Variants in BACE1 observed in about 807,000 individuals in gnomAD.
The protein encoded by BACE1 is beta-secretase 1, also known as APP beta-secretase.
In BACE1, 21 loss-of-function variants were observed where a neutral mutation model predicts 54.0. The ratio of observed to expected loss-of-function variants is 0.39; its 90% confidence interval spans 0.28 to 0.56. The LOEUF is 0.56. BACE1 is among the 20% of genes least tolerant of loss of function. BACE1 has a pLI of 0.63. For missense variants in BACE1, 511 were observed against 661.2 expected, an observed-to-expected ratio of 0.77 and a Z score of 2.49; for synonymous variants, 232 against 260.9, an observed-to-expected ratio of 0.89 and a Z score of 1.07.
rs1422364218 is a variant in BACE1, at chr11:117,295,004, C to A, written c.567+127G>T. 3 of 968,394 alleles carry A rather than the reference C, an allele frequency of 3.1e-6. No homozygotes were observed. In the African/African-American group the frequency reaches 4.8e-5, roughly 16 times the overall value. The allele number at this position is 968,394 out of a possible 1,614,324, so 60.0% of individuals were successfully genotyped here. A position where few individuals can be genotyped will look rare whatever the true frequency, so the allele number is the denominator to read the frequency against. ...TAAAATTTAGACTGCCACCCTATAC[C>A]CCTGTTAAATAATCCTTTAAACTGA... On this transcript the variant is annotated intron_variant, in intron 3 of 8. Coordinates refer to ENST00000313005, the MANE Select transcript of BACE1 (RefSeq NM_012104.6).
At position 117,316,242 on chromosome 11, in the gene BACE1, G is replaced by A. The variant is rs972584272; in HGVS notation, c.-447C>T. The A allele has an allele frequency of 2.9e-5, 13 of 441,220 alleles. No individual in the cohort carries two copies. The East Asian group carries it at 4.6e-4, about 16-fold the overall frequency. 27.3% of individuals were successfully genotyped at this position (441,220 alleles called of 1,614,324 possible). On this transcript the variant is annotated 5_prime_UTR_variant, in exon 1 of 9. Transcript: ENST00000313005. ...TCGCAGCTCCCGGGCGGGCTGGGGA[G>A]GCGGAAAGACTTGTGGCGGCGGCTG...
rs187058192 is a variant in BACE1, at chr11:117,311,618, G to C, written c.261+3917C>G. ...ACTGTTGTGACAGCCCCCTGTGCCT[G>C]TGTCTTTCAGTCCTACTCTTTTTAT... On this transcript the variant is annotated intron_variant, in intron 1 of 8. Coordinates refer to ENST00000313005, the MANE Select transcript of BACE1 (RefSeq NM_012104.6). Among the ~76,000 whole-genome samples the C allele has an allele frequency of 2.0e-5, 3 of 152,218 alleles. 1 individual carries two copies. The East Asian group carries it at 5.8e-4, about 29-fold the overall frequency.
intron 1 of BACE1, among the ~76,000 whole-genome samples, chr11:117,305,068 A>G (rs1241759189): frequency 6.7e-6 from 1 of 149,450 alleles, no homozygotes; most frequent in Non-Finnish European, 1.5e-5. Context: ...CTGGGATTAC[A>G]GGCACCCGCC....
At chr11:117,298,406 C>G (rs2034650991) in intron 1 of BACE1, among the ~76,000 whole-genome samples, 1 of 152,196 alleles carries the variant, frequency 6.6e-6, no homozygotes, top group South Asian at 2.1e-4. Flanking sequence ...TGTCTCTGTT[C>G]CCATGTCTCT....
At chr11:117,306,470 A>T (rs1266711498) in intron 1 of BACE1, among the ~76,000 whole-genome samples, 1 of 151,936 alleles carries the variant, frequency 6.6e-6, no homozygotes, top group African/African-American at 2.4e-5. Context: ...GCTAGAACTC[A>T]CTCCTTGTCC....
intron 3 of BACE1, chr11:117,294,324 C>T (rs2034540861): frequency 5.5e-6 from 1 of 180,438 alleles, no homozygotes; most frequent in Non-Finnish European, 1.2e-5. Context: ...TCAAGTGATT[C>T]TCGTGCCTCA....
chr11:117,294,112 C>T, intron 3 of BACE1, 104 bp from the exon 4 acceptor site: 3 of 1,370,328 alleles, frequency 2.2e-6, no homozygotes, highest in African/African-American at 2.9e-5. Flanking sequence ...GGGGGATGCT[C>T]CTTGGGAAAG....
At chr11:117,311,201 G>C (rs2034936779) in intron 1 of BACE1, among the ~76,000 whole-genome samples, 1 of 151,922 alleles carries the variant, frequency 6.6e-6, no homozygotes, top group Non-Finnish European at 1.5e-5. Context: ...AAATCAGCTG[G>C]GGCTGGTGGC....
At chr11:117,303,923 C>T (rs1453620560) in intron 1 of BACE1, among the ~76,000 whole-genome samples, 2 of 152,232 alleles carry the variant, frequency 1.3e-5, no homozygotes, top group African/African-American at 2.4e-5. Flanking sequence ...ACCCATCTTA[C>T]ACATGCCACA....
Position 117,289,249 on chromosome 11 carries a change from G to T in BACE1, c.*317C>A. The T allele has an allele frequency of 3.3e-6, 1 of 304,962 alleles. No individual in the cohort carries two copies. Among genetic ancestry groups the T allele is most frequent in the South Asian group, 5.9e-5 (1 of 16,870 alleles). 18.9% of individuals were successfully genotyped at this position (304,962 alleles called of 1,614,324 possible). ...GAAAAGAAGAATACTTTGGGTTGGA[G>T]AATTTAAAGGAATGGTGGACAAAGG... On this transcript the variant is annotated 3_prime_UTR_variant, in exon 9 of 9. Coordinates refer to ENST00000313005, the MANE Select transcript of BACE1 (RefSeq NM_012104.6).
rs1006492703 is a variant in BACE1, at chr11:117,315,010, C to A, written c.261+525G>T. On this transcript the variant is annotated intron_variant, in intron 1 of 8. Coordinates refer to ENST00000313005, the MANE Select transcript of BACE1 (RefSeq NM_012104.6). The surrounding 1 kb of genome is among the most constrained non-coding windows in gnomAD (Gnocchi z 5.5). ...GGGCGGAGTGCAGTCAGGGGGGCCT[C>A]GACAACCTCACTTTGCCGTACCAGT... 7.2e-5 allele frequency among the ~76,000 whole-genome samples: 11 copies of A among 152,148 alleles called. No homozygotes were observed. Among genetic ancestry groups the A allele is most frequent in the Admixed American group, 7.2e-4 (11 of 15,272 alleles).
chr11:117,300,184 C>T (rs1286686247), intron 1 of BACE1, among the ~76,000 whole-genome samples: 3 of 152,052 alleles, frequency 2.0e-5, no homozygotes, highest in Admixed American at 1.3e-4. Context: ...CAGGAAGGAA[C>T]GTCCCCCTCC....
intron 1 of BACE1, among the ~76,000 whole-genome samples, chr11:117,313,638 A>G (rs1048092778): frequency 6.6e-6 from 1 of 152,162 alleles, no homozygotes; most frequent in Non-Finnish European, 1.5e-5. Flanking sequence ...GGGTTTTGCT[A>G]TGTTAGCCAA....
In BACE1 at chr11:117,290,677, C is replaced by T. The variant is rs1461345776; in HGVS notation, c.1093-18G>A. ...AGGTATTGCTAGGGGTAAGCAATCACAGGGTGAGTGTCTTCCTCACTCTCC... is the reference window on the plus strand; with the variant it reads ...AGGTATTGCTAGGGGTAAGCAATCATAGGGTGAGTGTCTTCCTCACTCTCC... On this transcript the variant is annotated intron_variant, in intron 7 of 8. Transcript: ENST00000313005. 6.2e-7 allele frequency: 1 copy of T among 1,612,646 alleles called. No homozygotes were observed. Among genetic ancestry groups the T allele is most frequent in the Non-Finnish European group, 8.5e-7 (1 of 1,179,458 alleles).
chr11:117,305,482 C>A (rs1255253920), intron 1 of BACE1, among the ~76,000 whole-genome samples: 1 of 152,174 alleles, frequency 6.6e-6, no homozygotes, highest in African/African-American at 2.4e-5. Flanking sequence ...CTGTAGCTGG[C>A]CATTGGTACC....
chr11:117,291,830 A>G lies in BACE1; in HGVS notation c.841-17T>C. On this transcript the variant is annotated splice_polypyrimidine_tract_variant and intron_variant, in intron 5 of 8. Transcript: ENST00000313005. ...ATAGTTGTACTAAGAGGGAAAAGAG[A>G]GAGTTAAAAGAGTCAAAAGGTTTTT... The G allele has an allele frequency of 6.3e-7, 1 of 1,575,886 alleles. No homozygotes were observed. Among genetic ancestry groups the G allele is most frequent in the Non-Finnish European group, 8.7e-7 (1 of 1,146,238 alleles).
intron 1 of BACE1, among the ~76,000 whole-genome samples, chr11:117,301,955 T>C (rs1176261357): frequency 6.6e-6 from 1 of 152,238 alleles, no homozygotes; most frequent in Non-Finnish European, 1.5e-5. Flanking sequence ...CCAATCTGTT[T>C]TGTGCACTGC....
rs746809411 is a variant in BACE1 at position 117,288,047 on chromosome 11, G to A, written c.*1519C>T. Reference sequence around the variant, plus strand: ...TAGTTTACTATGCTAGAACTGATAGGGAGGTAATGAACTTGGTCCCCACTA... The same window carrying A: ...TAGTTTACTATGCTAGAACTGATAGAGAGGTAATGAACTTGGTCCCCACTA... On this transcript the variant is annotated 3_prime_UTR_variant, in exon 9 of 9. Transcript: ENST00000313005. The A allele has an allele frequency of 7.2e-5, 11 of 152,682 alleles. No individual in the cohort carries two copies. The highest frequency in any genetic ancestry group is 1.5e-4 in the Non-Finnish European group (10 of 68,078). 9.5% of individuals were successfully genotyped at this position (152,682 alleles called of 1,614,324 possible). A position where few individuals can be genotyped will look rare whatever the true frequency, so the allele number is the denominator to read the frequency against.
intron 1 of BACE1, among the ~76,000 whole-genome samples, chr11:117,306,818 A>T (rs558185712): frequency 6.6e-6 from 1 of 152,096 alleles, no homozygotes; most frequent in African/African-American, 2.4e-5. Flanking sequence ...CTCAAGAAAA[A>T]AAAAGAAAAA....
Sources: allele counts gnomAD v4.1 joint callset (sites outside exome capture counted in the v4.1 genomes callset), GRCh38; gene constraint gnomAD v4.1.1; non-coding constraint Gnocchi (gnomAD v3.1); transcripts MANE v1.5; gene names NCBI Gene and HGNC (gene_info 2026-07-23, HGNC 2026-07-21).